PHF8: variants seen among roughly 807,000 people sequenced by gnomAD.
The protein encoded by PHF8 is histone lysine demethylase PHF8.
Under a neutral mutation model 74.4 loss-of-function variants are expected in PHF8, and 9 were observed. The observed-to-expected ratio is 0.12, with a 90% CI of 0.07 to 0.21. The LOEUF is 0.21. Ranked by LOEUF, PHF8 falls within the 10% of genes least tolerant of loss-of-function variation. The pLI is 1.00. For synonymous variants in PHF8, 311 were observed against 316.6 expected, an observed-to-expected ratio of 0.98 and a Z score of 0.19; for missense variants, 478 against 816.6, an observed-to-expected ratio of 0.59 and a Z score of 5.05.
At chrX:53,971,652 C>T (rs1351814363) in intron 18 of PHF8, among the ~76,000 whole-genome samples, 3 of 111,486 alleles carry the variant, frequency 2.7e-5, no homozygotes, top group Non-Finnish European at 5.7e-5. Flanking sequence ...AGGGAGATAT[C>T]ACCACTGACT....
Position 53,985,052 on chromosome X carries a change from G to A in PHF8, c.2305C>T (p.Pro769Ser). 1 of 1,211,350 alleles carries A rather than the reference G, an allele frequency of 8.3e-7. No homozygotes were observed. Among genetic ancestry groups the A allele is most frequent in the South Asian group, 1.8e-5 (1 of 56,973 alleles). Residue 769 changes from proline to serine, a missense_variant, in exon 18 of 22, where the codon CCT becomes TCT. This residue lies in a region of PHF8 where 51 missense variants were observed against 45.8 expected (regional missense o/e 1.11). Transcript: ENST00000338154. ...TTCCCTGGGGTGCGCTGGGAAGCAG[G>A]ACTGTTAGACACTGTGCCCAGCCCA... ...SSGLGTVSNS[P>S]ASQRTPGKRP...
chrX:54,045,946 G>GTT (rs1287301512), upstream of PHF8, among the ~76,000 whole-genome samples: 2 of 21,408 alleles, frequency 9.3e-5, no homozygotes, highest in Non-Finnish European at 2.1e-4. Flanking sequence ...ATGGTTTAGG[G>GTT]TTTTTTTTTT....
Position 54,044,140 on chromosome X carries a change from T to A in PHF8, c.-471A>T. ...CCTCGGCCCGGCCGTTCGGGCCTAC[T>A]GGAGACCGCGGCTTGGGCCTAGTCT... On this transcript the variant is annotated 5_prime_UTR_variant, in exon 1 of 22. Transcript: ENST00000338154. The A allele has an allele frequency of 2.6e-6, 2 of 754,971 alleles. No individual in the cohort carries two copies. The highest frequency in any genetic ancestry group is 3.1e-6 in the Non-Finnish European group (2 of 639,355). 62.2% of individuals were successfully genotyped at this position (754,971 alleles called of 1,213,427 possible). A position where few individuals can be genotyped will look rare whatever the true frequency, so the allele number is the denominator to read the frequency against.
intron 19 of PHF8, among the ~76,000 whole-genome samples, chrX:53,960,876 C>T (rs1055005469): frequency 3.6e-5 from 4 of 110,455 alleles, no homozygotes; most frequent in Non-Finnish European, 5.7e-5. Context: ...TTCTGGGTGG[C>T]GGACTCGTGG....
chrX:54,013,598 A>G lies in PHF8; in HGVS notation c.783+779T>C, dbSNP rs782164515. On this transcript the variant is annotated intron_variant, in intron 7 of 21. Transcript: ENST00000338154. Reference sequence around the variant, plus strand: ...TTTGGGAGGTGGAGGCAAGCAGATCACTTCAGGTCAGGCGTTCGAGACCAG... The same window carrying G: ...TTTGGGAGGTGGAGGCAAGCAGATCGCTTCAGGTCAGGCGTTCGAGACCAG... 8.4e-4 allele frequency among the ~76,000 whole-genome samples: 93 copies of G among 110,935 alleles called. 1 individual carries two copies. Among genetic ancestry groups the G allele is most frequent in the African/African-American group, 3.0e-3 (92 of 30,558 alleles).
intron 19 of PHF8, among the ~76,000 whole-genome samples, chrX:53,953,334 A>G (rs781909473): frequency 0.084 from 9,051 of 108,024 alleles, 647 homozygotes; most frequent in African/African-American, 0.23. Flanking sequence ...AGATAAAAAA[A>G]AAAGGAATTA....
Position 53,938,953 on chromosome X carries a change from A to G in PHF8, c.*205T>C. 2 of 994,587 alleles carry G rather than the reference A, an allele frequency of 2.0e-6. No homozygotes were observed. The highest frequency in any genetic ancestry group is 9.3e-5 in the Admixed American group (2 of 21,535). The allele number at this position is 994,587 out of a possible 1,213,427, so 82.0% of individuals were successfully genotyped here. On this transcript the variant is annotated 3_prime_UTR_variant, in exon 22 of 22. Transcript: ENST00000338154. Reference sequence around the variant, plus strand: ...CCCATTTACCTGCTCCTCAGTGGAGAAGGCAGGCAGGATGCTCTAGTGAAA... The same window carrying G: ...CCCATTTACCTGCTCCTCAGTGGAGGAGGCAGGCAGGATGCTCTAGTGAAA...
At chrX:54,019,570 C>A in intron 4 of PHF8, among the ~76,000 whole-genome samples, 2 of 108,149 alleles carry the variant, frequency 1.8e-5, no homozygotes, top group Middle Eastern at 0.01. Flanking sequence ...GTGGGCAGAT[C>A]CCTTGAGGTC....
At chrX:53,960,808 A>C (rs76401514) in intron 19 of PHF8, among the ~76,000 whole-genome samples, 1 of 110,714 alleles carries the variant, frequency 9.0e-6, no homozygotes. Context: ...AATAAAAATT[A>C]AAAAATGTAT....
intron 12 of PHF8, 135 bp downstream of exon 12, chrX:53,995,558 C>T (rs782580936): frequency 2.7e-5 from 13 of 490,543 alleles, no homozygotes; most frequent in South Asian, 1.1e-4. Flanking sequence ...ATTATTTGAA[C>T]GAATGAATTG....
intron 18 of PHF8, among the ~76,000 whole-genome samples, chrX:53,964,466 A>G (rs1326904896): frequency 8.9e-6 from 1 of 112,181 alleles, no homozygotes; most frequent in East Asian, 2.8e-4. Context: ...ATCACATACT[A>G]CAACATGGAT....
chrX:54,034,433 G>A (rs944822890), intron 2 of PHF8, among the ~76,000 whole-genome samples: 7 of 111,589 alleles, frequency 6.3e-5, no homozygotes, highest in Non-Finnish European at 9.4e-5. Flanking sequence ...CCCAGAGTTC[G>A]ATATGAAGTG....
At chrX:53,959,592 G>C (rs2149792751) in intron 19 of PHF8, among the ~76,000 whole-genome samples, 1 of 110,745 alleles carries the variant, frequency 9.0e-6, no homozygotes, top group South Asian at 3.9e-4. Flanking sequence ...AATCAAGAGA[G>C]ATTGACGGCC....
chrX:53,985,002 G>A lies in PHF8; in HGVS notation c.2355C>T (p.Tyr785=). 3.3e-6 allele frequency: 4 copies of A among 1,211,057 alleles called. No homozygotes were observed. The highest frequency in any genetic ancestry group is 4.5e-6 in the Non-Finnish European group (4 of 894,772). The change falls in exon 18 of 22, where the codon TAC becomes TAT. Residue 785 remains tyrosine (Y), a synonymous_variant. Coordinates refer to ENST00000338154, the MANE Select transcript of PHF8 (RefSeq NM_015107.3). ...PGKRPIKRPA[Y]WRTESEEEEE... ...CCTCCTCCTCGCTCTCGGTTCTCCA[G>A]TATGCTGGCCGCTTGATGGGCCGCT...
chrX:54,044,949 C>T, upstream of PHF8: 2 of 1,017,959 alleles, frequency 2.0e-6, no homozygotes, highest in Admixed American at 2.6e-5. Flanking sequence ...GGTTCTTCCC[C>T]CTGTGAAGGA....
intron 2 of PHF8, among the ~76,000 whole-genome samples, chrX:54,025,113 T>TG (rs1418702347): frequency 2.7e-5 from 3 of 111,250 alleles, no homozygotes; most frequent in African/African-American, 9.8e-5. Context: ...CCTGACCTCG[T>TG]GATCCGCCCG....
chrX:53,960,070 C>G (rs1452997832), intron 19 of PHF8, among the ~76,000 whole-genome samples: 1 of 108,697 alleles, frequency 9.2e-6, no homozygotes, highest in Non-Finnish European at 1.9e-5. Context: ...CTAAATTTTT[C>G]TATACTTTTT....
At position 53,987,804 on chromosome X, in the gene PHF8, C is replaced by G. The variant is rs1367487679; in HGVS notation, c.1871G>C (p.Arg624Thr). Reference sequence around the variant, plus strand: ...CAGGGTCGCCTTCTCCTTTCCCAATCTCTCGTCAATCTGCAGCTCATCATC... The same window carrying G: ...CAGGGTCGCCTTCTCCTTTCCCAATGTCTCGTCAATCTGCAGCTCATCATC... Reference protein sequence around the residue: ...DSDDELQIDERLGKEKATLII... With the variant: ...DSDDELQIDETLGKEKATLII... The change falls in exon 15 of 22, where the codon AGA (arginine) becomes ACA (threonine). Residue 624 changes from arginine (R) to threonine (T), a missense_variant. This residue lies in a region of PHF8 where 153 missense variants were observed against 164.8 expected (regional missense o/e 0.93). Coordinates refer to ENST00000338154, the MANE Select transcript of PHF8 (RefSeq NM_015107.3). The G allele has an allele frequency of 1.7e-6, 2 of 1,206,411 alleles. No individual in the cohort carries two copies. Among genetic ancestry groups the G allele is most frequent in the Admixed American group, 2.2e-5 (1 of 45,426 alleles).
At chrX:53,944,837 A>G (rs1557084663) in intron 19 of PHF8, among the ~76,000 whole-genome samples, 1 of 111,297 alleles carries the variant, frequency 9.0e-6, no homozygotes, top group Non-Finnish European at 1.9e-5. Context: ...CCTCGCCAAC[A>G]TGGCGAAAAC....
Sources: gnomAD v4.1 joint callset for allele counts (sites outside exome capture counted in the v4.1 genomes callset) on GRCh38, gnomAD v4.1.1 for gene constraint, gnomAD v4.1.1 regional missense constraint, MANE v1.5 for transcripts, NCBI Gene and HGNC (gene_info 2026-07-23, HGNC 2026-07-21) for gene names.